The following SLC13A2 variants were observed in gnomAD, a reference collection of about 807,000 sequenced individuals.
The protein encoded by SLC13A2 is solute carrier family 13 member 2.
A neutral mutation model predicts 58.5 loss-of-function variants in SLC13A2; 40 were observed. That is an observed-to-expected ratio of 0.68 (90% CI 0.53 to 0.89). SLC13A2 has a LOEUF of 0.89. Among genes scored for constraint, SLC13A2 ranks in the 40% least tolerant of loss-of-function variants. SLC13A2 has a pLI of 0.00. For missense variants in SLC13A2, 694 were observed against 772.6 expected (o/e 0.90, Z 1.21); for synonymous variants, 341 against 331.6 (o/e 1.03, Z -0.31).
intron 1 of SLC13A2, among the ~76,000 whole-genome samples, chr17:28,475,856 C>T (rs1245636365): frequency 6.6e-6 from 1 of 152,220 alleles, no homozygotes; most frequent in Non-Finnish European, 1.5e-5. Context: ...AGGGTCCCCA[C>T]TTCCCCTAGC....
chr17:28,477,598 C>T lies in SLC13A2; in HGVS notation c.102+3784C>T, dbSNP rs2068711395. Among the ~76,000 whole-genome samples, 2 of 152,230 alleles carry T rather than the reference C, an allele frequency of 1.3e-5. 1 individual carries two copies. The highest frequency in any genetic ancestry group is 4.1e-4 in the South Asian group (2 of 4,830). Reference sequence around the variant, plus strand: ...CTCTGTAATGAGTCCCCAAGCTTAGCCCCATGGCCCTGGCCTCCAAAGGGG... The same window carrying T: ...CTCTGTAATGAGTCCCCAAGCTTAGTCCCATGGCCCTGGCCTCCAAAGGGG... On this transcript the variant is annotated intron_variant, in intron 1 of 11. Transcript: ENST00000314669.
rs370148714 is a variant in SLC13A2 at position 28,477,650 on chromosome 17, A to G, written c.102+3836A>G. 1.3e-3 allele frequency among the ~76,000 whole-genome samples: 198 copies of G among 152,348 alleles called. 1 individual carries two copies. The highest frequency in any genetic ancestry group is 4.6e-3 in the African/African-American group (191 of 41,580). ...AAGAAGGAGCCCCAGCCTAGGCTCAAATTTGTGCCCATAATAATAATATTG... is the reference window on the plus strand; with the variant it reads ...AAGAAGGAGCCCCAGCCTAGGCTCAGATTTGTGCCCATAATAATAATATTG... On this transcript the variant is annotated intron_variant, in intron 1 of 11. Coordinates refer to ENST00000314669, the MANE Select transcript of SLC13A2 (RefSeq NM_003984.4).
chr17:28,492,979 G>T (rs781969671), intron 6 of SLC13A2, among the ~76,000 whole-genome samples: 1 of 152,234 alleles, frequency 6.6e-6, no homozygotes, highest in Non-Finnish European at 1.5e-5. Context: ...TAGTAGAAGA[G>T]GTCAGCACAG....
chr17:28,489,447 C>T (rs1464474456), intron 2 of SLC13A2, 105 bp downstream of exon 2: 1 of 1,345,818 alleles, frequency 7.4e-7, no homozygotes, highest in Non-Finnish European at 1.0e-6. Flanking sequence ...AGGCAGGGCA[C>T]ATGGATTAGG....
intron 1 of SLC13A2, among the ~76,000 whole-genome samples, chr17:28,487,999 C>CT (rs797027241): frequency 2.6e-5 from 4 of 152,162 alleles, no homozygotes; most frequent in South Asian, 2.1e-4. Context: ...GGCTCTGCCA[C>CT]TTTTTTTTAA....
At position 28,491,646 on chromosome 17, in the gene SLC13A2, G is replaced by A. The variant is rs1453073469; in HGVS notation, c.755+29G>A. On this transcript the variant is annotated intron_variant, in intron 5 of 11. Transcript: ENST00000314669. ...AGTGACAAGGGGTGGGCCACCTTGG[G>A]GGATCTGCACATTCACTGGGAGGTG... The A allele has an allele frequency of 1.9e-6, 3 of 1,609,884 alleles. No homozygotes were observed. The Admixed American group carries it at 5.0e-5, about 27-fold the overall frequency.
At position 28,494,420 on chromosome 17, in the gene SLC13A2, G is replaced by T. The variant is rs368732537; in HGVS notation, c.1216G>T (p.Gly406Cys). ...ENPGKLKAPL[G>C]LLDWKTVNQK... ...CCCAGGGAAGCTGAAGGCCCCTCTT[G>T]GCCTCCTCGACTGGAAGACGGTGAA... The change falls in exon 9 of 12, where the codon GGC (glycine) becomes TGC (cysteine). Residue 406 changes from glycine (G) to cysteine (C), a missense_variant. Gly to Cys is a radical substitution (Grantham distance 159). Coordinates refer to ENST00000314669, the MANE Select transcript of SLC13A2 (RefSeq NM_003984.4). The surrounding 1 kb of genome is among the most constrained non-coding windows in gnomAD (Gnocchi z 4.0). The T allele has an allele frequency of 1.2e-6, 2 of 1,614,170 alleles. No homozygotes were observed. The highest frequency in any genetic ancestry group is 8.5e-7 in the Non-Finnish European group (1 of 1,180,024).
rs1555604266 is a variant in SLC13A2 at position 28,494,498 on chromosome 17, G to A, written c.1294G>A (p.Ala432Thr). Residue 432 changes from alanine (A) to threonine (T), a missense_variant, in exon 9 of 12, where the codon GCC becomes ACC. By Grantham distance (58) the Ala-to-Thr change is moderately conservative. Transcript: ENST00000314669. This position sits in a 1 kb window ranked among gnomAD's most constrained non-coding sequence, Gnocchi z 4.0. ...ATTGCTGGGTGGTGGCTATGCCCTG[G>A]CCAAGGGCAGTGAGGTGAGAGGCCC... ...VLLLGGGYAL[A>T]KGSERSGLSE... The A allele has an allele frequency of 6.2e-7, 1 of 1,613,946 alleles. No individual in the cohort carries two copies. Among genetic ancestry groups the A allele is most frequent in the Non-Finnish European group, 8.5e-7 (1 of 1,179,908 alleles).
At chr17:28,493,956 T>G (rs2069085810) in intron 7 of SLC13A2, 61 bp from the exon 8 acceptor site, 1 of 1,537,862 alleles carries the variant, frequency 6.5e-7, no homozygotes. Context: ...CCCTCCACCC[T>G]GTGGCCCTGA....
At chr17:28,477,269 C>T (rs1555600148) in intron 1 of SLC13A2, among the ~76,000 whole-genome samples, 1 of 143,014 alleles carries the variant, frequency 7.0e-6, no homozygotes, top group African/African-American at 2.6e-5. Context: ...TCTTGGCTCA[C>T]TGCAAGCTCC....
chr17:28,484,310 T>C (rs1178408754), intron 1 of SLC13A2, among the ~76,000 whole-genome samples: 1 of 152,104 alleles, frequency 6.6e-6, no homozygotes, highest in African/African-American at 2.4e-5. Flanking sequence ...GAAAAATCAA[T>C]ATTTGAGCTG....
At chr17:28,488,152 G>A (rs905876758) in intron 1 of SLC13A2, among the ~76,000 whole-genome samples, 4 of 152,132 alleles carry the variant, frequency 2.6e-5, no homozygotes, top group South Asian at 2.1e-4. Flanking sequence ...TGAATAAATA[G>A]CAGCTGCCTC....
In SLC13A2 at chr17:28,483,566, G is replaced by T. The variant is rs1430749482; in HGVS notation, c.103-5648G>T. ...GCAGGAGGATTACTTGAGGCCAGGA[G>T]ATCGAGGCTGCAGTGAGCTGTGATC... is the stretch of plus-strand genomic sequence containing the variant. On this transcript the variant is annotated intron_variant, in intron 1 of 11. Coordinates refer to ENST00000314669, the MANE Select transcript of SLC13A2 (RefSeq NM_003984.4). Among the ~76,000 whole-genome samples, 3 of 152,330 alleles carry T rather than the reference G, an allele frequency of 2.0e-5. No homozygotes were observed. The East Asian group carries it at 5.8e-4, about 29-fold the overall frequency.
chr17:28,490,330 C>T, intron 2 of SLC13A2, 124 bp from the exon 3 acceptor site: 1 of 1,606,862 alleles, frequency 6.2e-7, no homozygotes, highest in Non-Finnish European at 8.5e-7. Flanking sequence ...CATTTCCATC[C>T]AGTTTCGAGA....
At chr17:28,485,069 T>C (rs149823963) in intron 1 of SLC13A2, among the ~76,000 whole-genome samples, 99 of 152,142 alleles carry the variant, frequency 6.5e-4, no homozygotes, top group African/African-American at 2.1e-3. Context: ...CATAAACAGA[T>C]CTTGAGAGGA....
chr17:28,490,758 GGCCACCTCAGCCA>G lies in SLC13A2; in HGVS notation c.427_439del (p.Ala143Ter), dbSNP rs782181651. ...TCCTGTCCATGTGGATCAGCAACAC[GGCCACCTCAGCCA>G]TGATGGTGCCCATCGCACATGCCGT... On this transcript the variant is annotated frameshift_variant, in exon 4 of 12. Coordinates refer to ENST00000314669, the MANE Select transcript of SLC13A2 (RefSeq NM_003984.4). LOFTEE classifies it high-confidence loss of function. The G allele has an allele frequency of 6.2e-7, 1 of 1,613,930 alleles. No homozygotes were observed. The highest frequency in any genetic ancestry group is 1.1e-5 in the South Asian group (1 of 91,002).
In SLC13A2 at chr17:28,493,445, G is replaced by T. The variant is rs1398304088; in HGVS notation, c.879-126G>T. ...TCCTCCAGAACCTCAGGCGGAGCTGGGGCCTGAGTGTAGTGACCCTGAGAT... is the reference window on the plus strand; with the variant it reads ...TCCTCCAGAACCTCAGGCGGAGCTGTGGCCTGAGTGTAGTGACCCTGAGAT... On this transcript the variant is annotated intron_variant, in intron 6 of 11. Coordinates refer to ENST00000314669, the MANE Select transcript of SLC13A2 (RefSeq NM_003984.4). The T allele has an allele frequency of 1.2e-4, 82 of 706,018 alleles. No individual in the cohort carries two copies. In the Middle Eastern group the frequency reaches 2.0e-3, roughly 17 times the overall value. The allele number at this position is 706,018 out of a possible 1,614,324, so 43.7% of individuals were successfully genotyped here.
intron 1 of SLC13A2, among the ~76,000 whole-genome samples, chr17:28,483,434 C>G (rs2068820974): frequency 6.6e-6 from 1 of 152,026 alleles, no homozygotes; most frequent in Admixed American, 6.5e-5. Flanking sequence ...TCAAGGCCAG[C>G]CTGGACAATA....
In SLC13A2 at chr17:28,493,769, T is replaced by C. The variant is rs782583056; in HGVS notation, c.1077T>C (p.Phe359=). The C allele has an allele frequency of 1.1e-5, 18 of 1,614,002 alleles. 1 individual carries two copies. In the East Asian group the frequency reaches 4.0e-4, roughly 36 times the overall value. Residue 359 remains phenylalanine, a synonymous_variant, in exon 7 of 12, where the codon TTT becomes TTC. Coordinates refer to ENST00000314669, the MANE Select transcript of SLC13A2 (RefSeq NM_003984.4). ...GFFLGWGNLA[F]PNAKGESMVS... ...TTCTTGGCTGGGGCAATTTGGCTTT[T>C]CCCAATGCCAAGGGGGAGAGGTGAG...
Sources: allele counts gnomAD v4.1 joint callset (sites outside exome capture counted in the v4.1 genomes callset), GRCh38; gene constraint gnomAD v4.1.1; non-coding constraint Gnocchi (gnomAD v3.1); transcripts MANE v1.5; gene names NCBI Gene and HGNC (gene_info 2026-07-23, HGNC 2026-07-21).